Variants in FHIP2B observed in about 807,000 individuals in gnomAD.
FHIP2B encodes the protein FHF complex subunit HOOK interacting protein 2B, also known as FHF complex subunit HOOK-interacting protein 2B.
In FHIP2B, 72 loss-of-function variants were observed where a neutral mutation model predicts 84.0. That is an observed-to-expected ratio of 0.86 (90% CI 0.71 to 1.04). The LOEUF (loss-of-function observed/expected upper bound fraction) is 1.04. FHIP2B is among the 50% of genes least tolerant of loss of function. The pLI, the probability that FHIP2B is intolerant of heterozygous loss-of-function variation, is 0.00. For missense variants in FHIP2B, 972 were observed against 968.9 expected (o/e 1.00, Z -0.04); for synonymous variants, 497 against 418.7 (o/e 1.19, Z -2.28).
chr8:22,100,463 C>T, intron 10 of FHIP2B, 131 bp from the exon 11 acceptor site: 1 of 1,058,648 alleles, frequency 9.4e-7, no homozygotes, highest in Non-Finnish European at 1.2e-6. Context: ...CCAAAACCTG[C>T]CACCTTAGCA....
In FHIP2B at chr8:22,098,563, C is replaced by T; in HGVS notation, c.909C>T (p.Ser303=). The T allele has an allele frequency of 1.2e-6, 2 of 1,609,968 alleles. No individual in the cohort carries two copies. Among genetic ancestry groups the T allele is most frequent in the East Asian group, 2.2e-5 (1 of 44,698 alleles). ...IVRHLCQLYR[S]MPVFLDPADI... ...GGCACCTTTGCCAGTTGTACCGGTC[C>T]ATGCCTGTCTTCCTGGACCCCGCAG... Residue 303 remains serine, a synonymous_variant, in exon 7 of 17, where the codon TCC becomes TCT. Transcript: ENST00000289921.
At position 22,102,260 on chromosome 8, in the gene FHIP2B, A is replaced by T; in HGVS notation, c.1937A>T (p.Asp646Val). The change falls in exon 15 of 17, where the codon GAT (aspartate) becomes GTT (valine). Residue 646 changes from aspartate (D) to valine (V), a missense_variant. Asp to Val is a radical substitution (Grantham distance 152). Transcript: ENST00000289921. ...CCCCATATTCATGAGTACCTGCTGGATCCGTACATCAGCCTGGCCCCCGGC... is the reference window on the plus strand; with the variant it reads ...CCCCATATTCATGAGTACCTGCTGGTTCCGTACATCAGCCTGGCCCCCGGC... The part of the protein sequence containing the change: ...PHPHIHEYLL[D>V]PYISLAPGCR... 1 of 1,613,024 alleles carries T rather than the reference A, an allele frequency of 6.2e-7. No individual in the cohort carries two copies. The highest frequency in any genetic ancestry group is 8.5e-7 in the Non-Finnish European group (1 of 1,179,850).
intron 2 of FHIP2B, chr8:22,095,161 T>G (rs1441000843): frequency 6.6e-6 from 1 of 152,392 alleles, no homozygotes; most frequent in Admixed American, 6.5e-5. Context: ...CCCTCACTTT[T>G]CCCTTCCTGG....
chr8:22,098,296 C>A lies in FHIP2B; in HGVS notation c.754C>A (p.Leu252Met). Reference sequence around the variant, plus strand: ...CAACCTGATTACCTCCCTGCTTGGGCTGTGCCAGAGCAAGGTGCTGGCAGC... The same window carrying A: ...CAACCTGATTACCTCCCTGCTTGGGATGTGCCAGAGCAAGGTGCTGGCAGC... ...ESNLITSLLG[L>M]CQSKKSRVAL... The change falls in exon 6 of 17, where the codon CTG (leucine) becomes ATG (methionine). Residue 252 changes from leucine to methionine, a missense_variant. Physicochemically the swap from Leu to Met is conservative, Grantham distance 15 (BLOSUM62 2). Coordinates refer to ENST00000289921, the MANE Select transcript of FHIP2B (RefSeq NM_022749.7). The A allele has an allele frequency of 1.4e-6, 2 of 1,444,760 alleles. No homozygotes were observed. Among genetic ancestry groups the A allele is most frequent in the Non-Finnish European group, 1.8e-6 (2 of 1,083,974 alleles). The allele number at this position is 1,444,760 out of a possible 1,614,324, so 89.5% of individuals were successfully genotyped here.
intron 14 of FHIP2B, 38 bp from the exon 15 acceptor site, chr8:22,102,137 C>G: frequency 6.2e-7 from 1 of 1,612,814 alleles, no homozygotes. Context: ...ACTCACCAGC[C>G]CTGCCAGCCC....
chr8:22,097,271 A>G (rs897192719), intron 3 of FHIP2B, among the ~76,000 whole-genome samples: 1 of 151,992 alleles, frequency 6.6e-6, no homozygotes, highest in Non-Finnish European at 1.5e-5. Context: ...CTGGGGGTGC[A>G]GTGTTCCAGG....
intron 15 of FHIP2B, 86 bp from the exon 16 acceptor site, chr8:22,102,442 C>G (rs1023669846): frequency 3.9e-6 from 6 of 1,522,622 alleles, no homozygotes; most frequent in African/African-American, 2.8e-5. Flanking sequence ...AAAGCACAGT[C>G]TCCCATGCTC....
intron 3 of FHIP2B, chr8:22,096,935 G>C (rs1411206842): frequency 1.2e-5 from 2 of 170,760 alleles, no homozygotes; most frequent in African/African-American, 2.4e-5. Context: ...CCCCAGCTAC[G>C]TGGGAGGCCG....
intron 1 of FHIP2B, among the ~76,000 whole-genome samples, chr8:22,091,216 C>G (rs990911817): frequency 6.8e-6 from 1 of 146,286 alleles, no homozygotes; most frequent in Non-Finnish European, 1.5e-5. Context: ...CTCTTCTGAT[C>G]TAACAGATTA....
chr8:22,094,614 C>A, intron 2 of FHIP2B, 96 bp downstream of exon 2: 1 of 1,576,556 alleles, frequency 6.3e-7, no homozygotes, highest in Non-Finnish European at 8.6e-7. Flanking sequence ...GGAAAGGTAA[C>A]CTGCCCAGTC....
chr8:22,098,341 G>T, intron 6 of FHIP2B, 31 bp downstream of exon 6: 1 of 1,541,488 alleles, frequency 6.5e-7, no homozygotes, highest in South Asian at 1.2e-5. Flanking sequence ...GAGGTTGGGG[G>T]TGGGGGAAGG....
At chr8:22,100,993 T>A (rs1392142509) in intron 12 of FHIP2B, 21 bp downstream of exon 12, 3 of 1,609,676 alleles carry the variant, frequency 1.9e-6, no homozygotes, top group Non-Finnish European at 2.5e-6. Flanking sequence ...AGTTAGGCAG[T>A]CTGAACCACT....
At chr8:22,089,370 G>A (rs1825339546) in intron 1 of FHIP2B, 72 bp downstream of exon 1, 5 of 918,600 alleles carry the variant, frequency 5.4e-6, no homozygotes, top group Non-Finnish European at 5.2e-6. Context: ...GCGCGGAGCC[G>A]GGCGCGGCCC....
At position 22,101,642 on chromosome 8, in the gene FHIP2B, C is replaced by T. The variant is rs576199433; in HGVS notation, c.1708-66C>T. 257 of 1,560,950 alleles carry T rather than the reference C, an allele frequency of 1.6e-4. 1 individual carries two copies. Among genetic ancestry groups the T allele is most frequent in the South Asian group, 6.0e-4 (51 of 85,320 alleles). ...CAAGGACCCCAGCCCATCCCTCCTGCGTGGGGCCCTGTCTGCTGGTTCCCA... is the reference window on the plus strand; with the variant it reads ...CAAGGACCCCAGCCCATCCCTCCTGTGTGGGGCCCTGTCTGCTGGTTCCCA... On this transcript the variant is annotated intron_variant, in intron 13 of 16. Transcript: ENST00000289921.
At chr8:22,101,564 G>A in intron 13 of FHIP2B, 34 bp downstream of exon 13, 1 of 1,597,126 alleles carries the variant, frequency 6.3e-7, no homozygotes, top group Non-Finnish European at 8.6e-7. Context: ...CCCACTTCCT[G>A]TCCTTCAGAA....
intron 1 of FHIP2B, among the ~76,000 whole-genome samples, chr8:22,090,963 G>T (rs1179024668): frequency 6.6e-6 from 1 of 152,214 alleles, no homozygotes. Flanking sequence ...ACAGGCATCA[G>T]TGGCAGGAGA....
chr8:22,100,201 TG>T (rs1410793421), intron 10 of FHIP2B: 3 of 415,630 alleles, frequency 7.2e-6, no homozygotes, highest in East Asian at 9.4e-5. Flanking sequence ...CCTAAAGTGC[TG>T]GGACTGCAGG....
rs1825661728 is a variant in FHIP2B, at chr8:22,094,506, A to T, written c.112A>T (p.Ile38Phe). 1 of 1,611,376 alleles carries T rather than the reference A, an allele frequency of 6.2e-7. No individual in the cohort carries two copies. Among genetic ancestry groups the T allele is most frequent in the South Asian group, 1.1e-5 (1 of 91,014 alleles). The change falls in exon 2 of 17, where the codon ATC (isoleucine) becomes TTC (phenylalanine). Residue 38 changes from isoleucine (I) to phenylalanine (F), a missense_variant. By Grantham distance (21) the Ile-to-Phe change is conservative (BLOSUM62 0). Coordinates refer to ENST00000289921, the MANE Select transcript of FHIP2B (RefSeq NM_022749.7). The part of the protein sequence containing the change: ...EHWKGITHYY[I>F]ESTDESTPAK... Reference sequence around the variant, plus strand: ...CTGGAAGGGCATCACGCACTACTACATCGAGAGCACAGGTGCGGCCTGGCC... The same window carrying T: ...CTGGAAGGGCATCACGCACTACTACTTCGAGAGCACAGGTGCGGCCTGGCC...
intron 10 of FHIP2B, 148 bp downstream of exon 10, chr8:22,100,041 C>A (rs1826018728): frequency 6.8e-6 from 5 of 740,016 alleles, no homozygotes; most frequent in African/African-American, 1.9e-5. Flanking sequence ...TTTTATCACA[C>A]ACTAATTTTC....
Sources: gnomAD v4.1 joint callset for allele counts (sites outside exome capture counted in the v4.1 genomes callset) on GRCh38, gnomAD v4.1.1 for gene constraint, MANE v1.5 for transcripts, NCBI Gene and HGNC (gene_info 2026-07-23, HGNC 2026-07-21) for gene names.